CWC27: variants seen among roughly 807,000 people sequenced by gnomAD.
CWC27 encodes spliceosome-associated protein CWC27 homolog.
In CWC27, 47 loss-of-function variants were observed where a neutral mutation model predicts 63.6. That is an observed-to-expected ratio of 0.74 (90% CI 0.58 to 0.94). The LOEUF (loss-of-function observed/expected upper bound fraction) is 0.94. Ranked by LOEUF, CWC27 falls within the 40% of genes least tolerant of loss-of-function variation. CWC27 has a pLI of 0.00. For missense variants in CWC27, 495 were observed against 554.3 expected (o/e 0.89, Z 1.07); for synonymous variants, 175 against 179.8 (o/e 0.97, Z 0.22).
At chr5:64,826,017 A>G (rs529860619) in intron 10 of CWC27, among the ~76,000 whole-genome samples, 1 of 152,182 alleles carries the variant, frequency 6.6e-6, no homozygotes, top group African/African-American at 2.4e-5. Context: ...TGCTTGCTCT[A>G]CAGGTTTCAG....
At chr5:64,785,800 A>G (rs1041572765) in intron 5 of CWC27, among the ~76,000 whole-genome samples, 4 of 152,144 alleles carry the variant, frequency 2.6e-5, no homozygotes, top group African/African-American at 9.7e-5. Context: ...AATGACTGAA[A>G]AGCTTACCTC....
At chr5:64,843,355 G>A (rs1232077329) in intron 10 of CWC27, among the ~76,000 whole-genome samples, 1 of 152,180 alleles carries the variant, frequency 6.6e-6, no homozygotes, top group East Asian at 1.9e-4. Context: ...GTTAAAGATA[G>A]CCACTTTCTC....
At chr5:64,837,238 G>T (rs374996831) in intron 10 of CWC27, among the ~76,000 whole-genome samples, 1 of 152,120 alleles carries the variant, frequency 6.6e-6, no homozygotes, top group South Asian at 2.1e-4. Flanking sequence ...ATATATCAGA[G>T]GGTCTTTTGT....
At chr5:64,850,621 G>A (rs552618429) in intron 10 of CWC27, among the ~76,000 whole-genome samples, 1 of 152,272 alleles carries the variant, frequency 6.6e-6, no homozygotes, top group East Asian at 1.9e-4. Flanking sequence ...AGTGTGCAGA[G>A]TCAAACTACA....
chr5:64,975,266 T>A (rs1749207055), intron 12 of CWC27, among the ~76,000 whole-genome samples: 1 of 152,228 alleles, frequency 6.6e-6, no homozygotes, highest in Admixed American at 6.5e-5. Flanking sequence ...CAGACCTACT[T>A]AACTTTTTCA....
intron 11 of CWC27, among the ~76,000 whole-genome samples, chr5:64,954,181 A>T (rs1488578020): frequency 1.3e-5 from 2 of 152,108 alleles, no homozygotes; most frequent in African/African-American, 4.8e-5. Context: ...GTTCACAGAC[A>T]TCTAGTGATC....
intron 12 of CWC27, among the ~76,000 whole-genome samples, chr5:64,972,137 A>C (rs1313225614): frequency 2.0e-5 from 3 of 152,112 alleles, no homozygotes; most frequent in African/African-American, 7.2e-5. Flanking sequence ...GAAATGAAGA[A>C]GTGGTGATTA....
chr5:64,937,347 G>T (rs1360736968), intron 11 of CWC27, among the ~76,000 whole-genome samples: 3 of 151,930 alleles, frequency 2.0e-5, no homozygotes, highest in Non-Finnish European at 4.4e-5. Context: ...CCTTAATTTT[G>T]TTATTTACCC....
chr5:64,989,619 G>A (rs2112456992), intron 13 of CWC27, among the ~76,000 whole-genome samples: 1 of 152,264 alleles, frequency 6.6e-6, no homozygotes, highest in South Asian at 2.1e-4. Flanking sequence ...AGAAAGGGAG[G>A]GATTGGTATT....
At chr5:64,937,930 T>G (rs1748390739) in intron 11 of CWC27, among the ~76,000 whole-genome samples, 3 of 148,142 alleles carry the variant, frequency 2.0e-5, no homozygotes, top group African/African-American at 7.6e-5. Context: ...GCTTTTTTTT[T>G]TTTTTTTTTT....
At chr5:64,845,142 G>C (rs1419733277) in intron 10 of CWC27, among the ~76,000 whole-genome samples, 1 of 152,168 alleles carries the variant, frequency 6.6e-6, no homozygotes, top group Non-Finnish European at 1.5e-5. Context: ...CAGAGGAAAG[G>C]CATCTGCCCA....
chr5:64,857,931 A>T (rs1156649532), intron 10 of CWC27, among the ~76,000 whole-genome samples: 1 of 149,664 alleles, frequency 6.7e-6, no homozygotes, highest in Non-Finnish European at 1.5e-5. Flanking sequence ...AGGTCAGGAG[A>T]TCGAGACCAT....
At chr5:64,808,466 T>G in intron 10 of CWC27, 1 of 477,488 alleles carries the variant, frequency 2.1e-6, no homozygotes, top group Non-Finnish European at 2.7e-6. Context: ...AGTGATCATA[T>G]CCATTTACAT....
chr5:64,932,667 A>C (rs1270821850), intron 11 of CWC27, among the ~76,000 whole-genome samples: 13 of 152,098 alleles, frequency 8.5e-5, no homozygotes, highest in Non-Finnish European at 1.9e-4. Context: ...CAGGCTTTAT[A>C]ACCTTTCATT....
At chr5:64,978,542 G>A (rs10064586) in intron 13 of CWC27, among the ~76,000 whole-genome samples, 32,509 of 151,342 alleles carry the variant, frequency 0.21, 3,965 homozygotes, top group South Asian at 0.36. Flanking sequence ...AATGCACATT[G>A]TATAGAACTT....
intron 10 of CWC27, among the ~76,000 whole-genome samples, chr5:64,868,958 CT>C (rs1212518963): frequency 1.3e-5 from 2 of 151,988 alleles, no homozygotes; most frequent in African/African-American, 4.8e-5. Flanking sequence ...AATAACATCC[CT>C]TTAGAATTTG....
intron 10 of CWC27, among the ~76,000 whole-genome samples, chr5:64,809,816 A>G (rs894775954): frequency 3.3e-5 from 5 of 152,060 alleles, no homozygotes; most frequent in African/African-American, 9.7e-5. Context: ...CAGATGTATG[A>G]TTTGCGAATA....
At chr5:64,925,671 A>G (rs1337275703) in intron 11 of CWC27, among the ~76,000 whole-genome samples, 1 of 152,222 alleles carries the variant, frequency 6.6e-6, no homozygotes, top group African/African-American at 2.4e-5. Context: ...GTTCATCACA[A>G]TGGTAATACC....
At chr5:64,952,234 G>C (rs1748723162) in intron 11 of CWC27, among the ~76,000 whole-genome samples, 1 of 151,900 alleles carries the variant, frequency 6.6e-6, no homozygotes, top group Admixed American at 6.6e-5. Flanking sequence ...AAAAAAGTCT[G>C]CACATGTTTA....
Sources: gnomAD v4.1 joint callset for allele counts (sites outside exome capture counted in the v4.1 genomes callset) on GRCh38, gnomAD v4.1.1 for gene constraint, MANE v1.5 for transcripts, NCBI Gene and HGNC (gene_info 2026-07-23, HGNC 2026-07-21) for gene names.